IMMP2L: variants seen among roughly 807,000 people sequenced by gnomAD.
The protein encoded by IMMP2L is mitochondrial inner membrane protease subunit 2.
A neutral mutation model predicts 19.3 loss-of-function variants in IMMP2L; 18 were observed. The ratio of observed to expected loss-of-function variants is 0.93; its 90% CI spans 0.64 to 1.38. The LOEUF (loss-of-function observed/expected upper bound fraction) is 1.38, where lower values mean the gene tolerates loss of function less well. Among genes scored for constraint, IMMP2L ranks in the 40% most tolerant of loss-of-function variants. IMMP2L has a pLI of 0.00. For synonymous variants in IMMP2L, 76 were observed against 73.0 expected (o/e 1.04, Z -0.21); for missense variants, 233 against 218.2 (o/e 1.07, Z -0.43).
chr7:110,930,906 C>G (rs917501307), intron 4 of IMMP2L, among the ~76,000 whole-genome samples: 9 of 152,130 alleles, frequency 5.9e-5, no homozygotes, highest in African/African-American at 2.2e-4. Flanking sequence ...CCTTTAGTAC[C>G]CAGCAAAGTG....
At chr7:110,800,886 G>A (rs1328292579) in intron 5 of IMMP2L, among the ~76,000 whole-genome samples, 1 of 152,040 alleles carries the variant, frequency 6.6e-6, no homozygotes, top group Non-Finnish European at 1.5e-5. Flanking sequence ...GTGGCTCCAA[G>A]ATGAGTCTAC....
intron 3 of IMMP2L, among the ~76,000 whole-genome samples, chr7:111,092,215 T>C (rs1057286721): frequency 6.6e-6 from 1 of 152,240 alleles, no homozygotes. Flanking sequence ...TGATTGCTAA[T>C]GCAGCTGGAA....
At chr7:111,090,080 C>T (rs1005824262) in intron 3 of IMMP2L, among the ~76,000 whole-genome samples, 5 of 151,996 alleles carry the variant, frequency 3.3e-5, no homozygotes, top group Non-Finnish European at 7.4e-5. Flanking sequence ...TATTAATCCT[C>T]ATGTTCCATT....
intron 3 of IMMP2L, among the ~76,000 whole-genome samples, chr7:110,970,437 C>T (rs889135789): frequency 1.3e-5 from 2 of 151,926 alleles, no homozygotes; most frequent in Admixed American, 6.6e-5. Context: ...TGTGTGTGCA[C>T]ATGTATTCTA....
At chr7:111,303,513 A>T (rs969423740) in intron 3 of IMMP2L, among the ~76,000 whole-genome samples, 2 of 152,044 alleles carry the variant, frequency 1.3e-5, no homozygotes, top group Non-Finnish European at 2.9e-5. Context: ...GATTTCTATG[A>T]TCATGACTAT....
chr7:111,260,371 G>T lies in IMMP2L; in HGVS notation c.239+226867C>A, dbSNP rs1052979759. On this transcript the variant is annotated intron_variant, in intron 3 of 5. Transcript: ENST00000405709. ...ACCACCATCATACATGCAGCTCATTGTTAACTGAAACATCATTATGTGGCT... is the reference window on the plus strand; with the variant it reads ...ACCACCATCATACATGCAGCTCATTTTTAACTGAAACATCATTATGTGGCT... 3.3e-5 allele frequency among the ~76,000 whole-genome samples: 5 copies of T among 152,002 alleles called. No homozygotes were observed. The East Asian group carries it at 7.7e-4, about 23-fold the overall frequency.
intron 5 of IMMP2L, 123 bp from the exon 6 acceptor site, chr7:110,663,844 A>G (rs1334399166): frequency 1.7e-6 from 1 of 590,200 alleles, no homozygotes; most frequent in Non-Finnish European, 2.8e-6. Flanking sequence ...TGATGAATAA[A>G]AAAAATAGTA....
At chr7:110,836,793 G>A (rs1254322442) in intron 5 of IMMP2L, among the ~76,000 whole-genome samples, 1 of 152,068 alleles carries the variant, frequency 6.6e-6, no homozygotes, top group Non-Finnish European at 1.5e-5. Flanking sequence ...GAAACATAAA[G>A]CATTAATGAA....
chr7:110,741,905 A>C (rs1304485832), intron 5 of IMMP2L, among the ~76,000 whole-genome samples: 1 of 152,172 alleles, frequency 6.6e-6, no homozygotes, highest in African/African-American at 2.4e-5. Context: ...ATAAGTATAA[A>C]CATTTAGATT....
chr7:111,075,467 T>C (rs1318321994), intron 3 of IMMP2L, among the ~76,000 whole-genome samples: 4 of 152,204 alleles, frequency 2.6e-5, no homozygotes, highest in Non-Finnish European at 5.9e-5. Flanking sequence ...ATATCTATCA[T>C]AAATGAATAT....
intron 3 of IMMP2L, among the ~76,000 whole-genome samples, chr7:111,044,540 G>A (rs570951808): frequency 1.2e-3 from 176 of 152,214 alleles, no homozygotes; most frequent in African/African-American, 3.8e-3. Flanking sequence ...CAGCCTAGGC[G>A]ACAAGAGCGA....
intron 4 of IMMP2L, among the ~76,000 whole-genome samples, chr7:110,957,984 A>G (rs931694208): frequency 4.6e-5 from 7 of 151,964 alleles, no homozygotes; most frequent in African/African-American, 1.7e-4. Context: ...GGGCAGGAAC[A>G]CTGTCTCTTC....
chr7:110,882,191 C>T (rs543959836), intron 5 of IMMP2L, among the ~76,000 whole-genome samples: 38 of 152,226 alleles, frequency 2.5e-4, no homozygotes, highest in Admixed American at 2.0e-3. Flanking sequence ...GTTCAGTGCA[C>T]TCATTATTAT....
At chr7:111,089,118 T>C (rs1165886221) in intron 3 of IMMP2L, among the ~76,000 whole-genome samples, 1 of 152,142 alleles carries the variant, frequency 6.6e-6, no homozygotes, top group Non-Finnish European at 1.5e-5. Flanking sequence ...CAACTTCCTA[T>C]GAAATAATGT....
intron 5 of IMMP2L, among the ~76,000 whole-genome samples, chr7:110,861,791 A>T (rs980609539): frequency 6.6e-6 from 1 of 152,112 alleles, no homozygotes; most frequent in Non-Finnish European, 1.5e-5. Context: ...ACTAATTCTG[A>T]AAACTTTAAC....
chr7:111,017,443 G>A (rs1585773944), intron 3 of IMMP2L, among the ~76,000 whole-genome samples: 1 of 151,974 alleles, frequency 6.6e-6, no homozygotes, highest in East Asian at 1.9e-4. Flanking sequence ...ATTATTATGT[G>A]GGTTAGCTGG....
At chr7:111,484,583 G>A (rs982778595) in intron 3 of IMMP2L, among the ~76,000 whole-genome samples, 15 of 152,010 alleles carry the variant, frequency 9.9e-5, no homozygotes, top group Non-Finnish European at 1.9e-4. Context: ...TAAATAGGAT[G>A]TTCCAATGTA....
At chr7:111,201,732 A>G (rs1810157909) in intron 3 of IMMP2L, among the ~76,000 whole-genome samples, 1 of 151,724 alleles carries the variant, frequency 6.6e-6, no homozygotes, top group Admixed American at 6.6e-5. Context: ...AAAAAAAGGA[A>G]AAAAAAAGAG....
At chr7:111,151,390 G>A (rs1298101803) in intron 3 of IMMP2L, among the ~76,000 whole-genome samples, 1 of 152,102 alleles carries the variant, frequency 6.6e-6, no homozygotes, top group East Asian at 1.9e-4. Flanking sequence ...CAACATGTGG[G>A]AAACTACAGC....
Sources: allele counts gnomAD v4.1 joint callset (sites outside exome capture counted in the v4.1 genomes callset), GRCh38; gene constraint gnomAD v4.1.1; transcripts MANE v1.5; gene names NCBI Gene and HGNC (gene_info 2026-07-23, HGNC 2026-07-21).